The following C8A variants were observed in gnomAD, a reference collection of about 807,000 sequenced individuals.
C8A encodes the protein complement C8 alpha chain.
A neutral mutation model predicts 65.3 loss-of-function variants in C8A; 67 were observed. The observed-to-expected ratio is 1.03, with a 90% CI of 0.84 to 1.26. The LOEUF is 1.26. Ranked by LOEUF, C8A falls within the 50% of genes most tolerant of loss-of-function variation. C8A has a pLI of 0.00. For synonymous variants in C8A, 290 were observed against 259.4 expected (o/e 1.12, Z -1.13); for missense variants, 781 against 723.9 (o/e 1.08, Z -0.90).
At chr1:56,861,443 C>T (rs1304652208) in intron 1 of C8A, among the ~76,000 whole-genome samples, 1 of 152,068 alleles carries the variant, frequency 6.6e-6, no homozygotes, top group South Asian at 2.1e-4. Flanking sequence ...GAGAATGAGT[C>T]TGTCTAGCCA....
rs868073641 is a variant in C8A, at chr1:56,885,412, T to G, written c.856-515T>G. ...TATATTTAAATAAATATATATTTAT[T>G]TAAATATATATTTAAATATATATTT... On this transcript the variant is annotated intron_variant, in intron 6 of 10. Transcript: ENST00000361249. Among the ~76,000 whole-genome samples, 216 of 89,584 alleles carry G rather than the reference T, an allele frequency of 2.4e-3. 9 individuals are homozygous for G. Among genetic ancestry groups the G allele is most frequent in the South Asian group, 7.7e-3 (18 of 2,332 alleles). The allele number at this position is 89,584 out of a possible 152,430, so 58.8% of individuals were successfully genotyped here.
At chr1:56,859,816 C>T (rs896401679) in intron 1 of C8A, among the ~76,000 whole-genome samples, 15 of 152,122 alleles carry the variant, frequency 9.9e-5, no homozygotes, top group African/African-American at 3.6e-4. Flanking sequence ...AATCCTAGCA[C>T]TTTGGGAGGA....
intron 2 of C8A, among the ~76,000 whole-genome samples, chr1:56,870,687 T>TAAATTAAATTAAATTAA (rs1250198849): frequency 9.2e-5 from 14 of 152,250 alleles, no homozygotes; most frequent in African/African-American, 3.1e-4. Context: ...AAATTTTTCG[T>TAAATTAAATTAAATTAA]ATTTATTTCA....
At chr1:56,891,552 C>T (rs1644345522) in intron 7 of C8A, among the ~76,000 whole-genome samples, 1 of 152,036 alleles carries the variant, frequency 6.6e-6, no homozygotes, top group Admixed American at 6.6e-5. Flanking sequence ...AGGGGCATTG[C>T]TGATGTCCAG....
intron 2 of C8A, among the ~76,000 whole-genome samples, chr1:56,872,890 A>G (rs1055228249): frequency 2.0e-5 from 3 of 148,980 alleles, no homozygotes; most frequent in Admixed American, 1.3e-4. Context: ...AAACTGACAT[A>G]AAGAGAGGAA....
At position 56,854,879 on chromosome 1, in the gene C8A, TA is replaced by T. The variant is rs1557693236; in HGVS notation, c.-22del. Reference sequence around the variant, plus strand: ...ATAGCTTTATTCCTTCAAGGTAATATAGTGCGGTGGCTTCTGGCTGAGATGT... The same window carrying T: ...ATAGCTTTATTCCTTCAAGGTAATATGTGCGGTGGCTTCTGGCTGAGATGT... On this transcript the variant is annotated 5_prime_UTR_variant, in exon 1 of 11. In the 5' UTR this introduces an upstream ATG that the reference lacks. Transcript: ENST00000361249. 6.2e-7 allele frequency: 1 copy of T among 1,606,614 alleles called. No individual in the cohort carries two copies. Among genetic ancestry groups the T allele is most frequent in the Non-Finnish European group, 8.5e-7 (1 of 1,174,302 alleles).
chr1:56,882,289 C>T (rs1265809282), intron 5 of C8A, among the ~76,000 whole-genome samples: 1 of 152,134 alleles, frequency 6.6e-6, no homozygotes, highest in African/African-American at 2.4e-5. Context: ...GTGAAACATC[C>T]ACACAGCGAA....
At chr1:56,855,298 A>C (rs1557693425) in intron 1 of C8A, among the ~76,000 whole-genome samples, 1 of 152,172 alleles carries the variant, frequency 6.6e-6, no homozygotes, top group Non-Finnish European at 1.5e-5. Flanking sequence ...TGTAGATAAA[A>C]TAAGATCCTG....
rs777495880 is a variant in C8A at position 56,883,658 on chromosome 1, G to A, written c.832G>A (p.Glu278Lys). 5.6e-6 allele frequency: 9 copies of A among 1,613,424 alleles called. No individual in the cohort carries two copies. In the Admixed American group the frequency reaches 1.0e-4, roughly 18 times the overall value. Residue 278 changes from glutamate (E) to lysine (K), a missense_variant, in exon 6 of 11, where the codon GAA (glutamate) becomes AAA (lysine). Transcript: ENST00000361249. ...CTCACAAGACACTTCATTCTTGAACGAATTAAACAAGTATAATGAGAAGGT... is the reference window on the plus strand; with the variant it reads ...CTCACAAGACACTTCATTCTTGAACAAATTAAACAAGTATAATGAGAAGGT... Reference protein sequence around the residue: ...SHSQDTSFLNELNKYNEKKFI... With the variant: ...SHSQDTSFLNKLNKYNEKKFI...
rs1202870508 is a variant in C8A, at chr1:56,881,730, T to TTTA, written c.654+98_654+99insATT. ...AGATGACTTGCTCTGGAAGCTTTTG[T>TTTA]TTTCTATAAAGTTTGCTGGTGTCTG... On this transcript the variant is annotated intron_variant, in intron 5 of 10. Transcript: ENST00000361249. 3 of 1,225,364 alleles carry TTTA rather than the reference T, an allele frequency of 2.4e-6. No homozygotes were observed. In the African/African-American group the frequency reaches 4.6e-5, roughly 19 times the overall value. The allele number at this position is 1,225,364 out of a possible 1,614,324, so 75.9% of individuals were successfully genotyped here.
At chr1:56,915,830 G>T (rs1400163010) in intron 10 of C8A, among the ~76,000 whole-genome samples, 1 of 152,210 alleles carries the variant, frequency 6.6e-6, no homozygotes, top group Non-Finnish European at 1.5e-5. Context: ...TCCTAAGAGT[G>T]AGGAAATTTG....
chr1:56,885,601 T>A (rs1389868575), intron 6 of C8A, among the ~76,000 whole-genome samples: 2 of 149,274 alleles, frequency 1.3e-5, no homozygotes, highest in Non-Finnish European at 3.0e-5. Flanking sequence ...CTTGCTCTAT[T>A]GCCAGGCTGG....
At chr1:56,896,969 G>A (rs1451169943) in intron 7 of C8A, among the ~76,000 whole-genome samples, 1 of 152,178 alleles carries the variant, frequency 6.6e-6, no homozygotes, top group Non-Finnish European at 1.5e-5. Flanking sequence ...AGGACCACCA[G>A]GCACTGAAAG....
chr1:56,908,239 A>C (rs1644482460), intron 9 of C8A, 126 bp downstream of exon 9: 2 of 1,108,872 alleles, frequency 1.8e-6, no homozygotes, highest in Non-Finnish European at 2.7e-6. Context: ...GGCACACTGA[A>C]CTAGTGGCCT....
chr1:56,861,738 C>A (rs528842801), intron 1 of C8A, among the ~76,000 whole-genome samples: 88 of 152,196 alleles, frequency 5.8e-4, no homozygotes, highest in African/African-American at 2.0e-3. Flanking sequence ...ATCTAAAATA[C>A]CTCTATTGTA....
At chr1:56,856,935 C>A (rs145666509) in intron 1 of C8A, among the ~76,000 whole-genome samples, 30 of 152,114 alleles carry the variant, frequency 2.0e-4, no homozygotes, top group African/African-American at 6.0e-4. Context: ...ATCTGTGGGT[C>A]TCTATTACAT....
intron 5 of C8A, 134 bp from the exon 6 acceptor site, chr1:56,883,347 A>AC (rs2101237209): frequency 1.4e-6 from 1 of 734,768 alleles, no homozygotes; most frequent in African/African-American, 1.8e-5. Context: ...TAATGACTGG[A>AC]TTGCCTTATA....
In C8A at chr1:56,881,502, G is replaced by A; in HGVS notation, c.522G>A (p.Gly174=). 6.2e-7 allele frequency: 1 copy of A among 1,613,776 alleles called. No homozygotes were observed. Among genetic ancestry groups the A allele is most frequent in the East Asian group, 2.2e-5 (1 of 44,864 alleles). ...GTGTGTACGATGCCAGTTATTATGG[G>A]GGCCAGTGTGAGACGGTATACAATG... ...AQSVYDASYY[G]GQCETVYNGE... The change falls in exon 5 of 11, where the codon GGG becomes GGA. Residue 174 remains glycine (G), a synonymous_variant. Transcript: ENST00000361249.
chr1:56,859,116 G>A (rs1236156571), intron 1 of C8A, among the ~76,000 whole-genome samples: 1 of 152,120 alleles, frequency 6.6e-6, no homozygotes, highest in African/African-American at 2.4e-5. Context: ...CATAGGCTTT[G>A]GAGTCTTTGT....
Sources: allele counts gnomAD v4.1 joint callset (sites outside exome capture counted in the v4.1 genomes callset), GRCh38; gene constraint gnomAD v4.1.1; transcripts MANE v1.5; gene names NCBI Gene and HGNC (gene_info 2026-07-23, HGNC 2026-07-21).